PCYOX1L: variants seen among roughly 807,000 people sequenced by gnomAD.
PCYOX1L encodes prenylcysteine oxidase 1 like.
A neutral mutation model predicts 44.1 loss-of-function variants in PCYOX1L; 40 were observed. That is an observed-to-expected ratio of 0.91 (90% CI 0.70 to 1.18). PCYOX1L has a LOEUF of 1.18. Among genes scored for constraint, PCYOX1L ranks in the 50% most tolerant of loss-of-function variants. The pLI, the probability that PCYOX1L is intolerant of heterozygous loss-of-function variation, is 0.00. For missense variants in PCYOX1L, 605 were observed against 653.3 expected, an observed-to-expected ratio of 0.93 and a Z score of 0.81; for synonymous variants, 266 against 282.8, an observed-to-expected ratio of 0.94 and a Z score of 0.60.
At chr5:149,362,275 C>G (rs1396305972) in intron 1 of PCYOX1L, 1 of 294,220 alleles carries the variant, frequency 3.4e-6, no homozygotes, top group Non-Finnish European at 6.6e-6. Flanking sequence ...TGGTCAGTAA[C>G]TTTTAACAAT....
At position 149,368,179 on chromosome 5, in the gene PCYOX1L, T is replaced by C. The variant is rs1232051710; in HGVS notation, c.1010T>C (p.Val337Ala). Residue 337 changes from valine (V) to alanine (A), a missense_variant, in exon 6 of 6, where the codon GTC (valine) becomes GCC (alanine). By Grantham distance (64) the Val-to-Ala change is moderately conservative. Transcript: ENST00000274569. Reference sequence around the variant, plus strand: ...TTCCAGCCCACCGTCGTCTCCTTGGTCCACGGCTACCTCAACTCGTCCTAC... The same window carrying C: ...TTCCAGCCCACCGTCGTCTCCTTGGCCCACGGCTACCTCAACTCGTCCTAC... The part of the protein sequence containing the change: ...GSFQPTVVSL[V>A]HGYLNSSYFG... The C allele has an allele frequency of 1.9e-6, 3 of 1,613,908 alleles. No homozygotes were observed. Among genetic ancestry groups the C allele is most frequent in the African/African-American group, 2.7e-5 (2 of 74,904 alleles).
At chr5:149,361,365 C>T (rs1313094120) in intron 1 of PCYOX1L, among the ~76,000 whole-genome samples, 2 of 152,124 alleles carry the variant, frequency 1.3e-5, no homozygotes, top group Non-Finnish European at 2.9e-5. Flanking sequence ...GAGCCAGATC[C>T]TGTTTGAAAA....
chr5:149,360,945 G>C (rs1401235069), intron 1 of PCYOX1L, among the ~76,000 whole-genome samples: 1 of 152,238 alleles, frequency 6.6e-6, no homozygotes, highest in Non-Finnish European at 1.5e-5. Flanking sequence ...GTCCAGTAAG[G>C]ACAAATTACA....
chr5:149,358,269 G>A, intron 1 of PCYOX1L, 113 bp downstream of exon 1: 1 of 1,263,024 alleles, frequency 7.9e-7, no homozygotes, highest in Non-Finnish European at 1.0e-6. Context: ...AGGGGTCCTC[G>A]GAAAAGGAGC....
rs374122288 is a variant in PCYOX1L at position 149,366,158 on chromosome 5, G to T, written c.682+5G>T. The T allele has an allele frequency of 6.8e-5, 110 of 1,609,606 alleles. No individual in the cohort carries two copies. The African/African-American group carries it at 1.4e-3, about 21-fold the overall frequency. On this transcript the variant is annotated splice_donor_5th_base_variant and intron_variant, in intron 4 of 5. Transcript: ENST00000274569. ...CAGCGATGCCCGCCTTTGCAGGTAA[G>T]CGTCCAACCCTTGGCCTGCCCACCT...
chr5:149,365,827 C>A, intron 3 of PCYOX1L, 115 bp from the exon 4 acceptor site: 1 of 907,662 alleles, frequency 1.1e-6, no homozygotes, highest in African/African-American at 1.6e-5. Context: ...TGCCACCACT[C>A]CATGTAGAGG....
chr5:149,358,187 T>C, intron 1 of PCYOX1L, 31 bp downstream of exon 1: 1 of 1,415,644 alleles, frequency 7.1e-7, no homozygotes, highest in South Asian at 1.4e-5. Flanking sequence ...GGTTCCCAGC[T>C]GGGGAGGGCC....
chr5:149,362,330 A>G (rs185226686), intron 1 of PCYOX1L: 23 of 378,000 alleles, frequency 6.1e-5, no homozygotes, highest in African/African-American at 4.5e-4. Flanking sequence ...TGAGTTTTAT[A>G]TAAAACTAAA....
Position 149,368,650 on chromosome 5 carries a change from T to C in PCYOX1L, c.1481T>C (p.Leu494Pro). 2.0e-6 allele frequency: 3 copies of C among 1,510,416 alleles called. No individual in the cohort carries two copies. The highest frequency in any genetic ancestry group is 1.8e-6 in the Non-Finnish European group (2 of 1,136,560). The allele number at this position is 1,510,416 out of a possible 1,614,324, so 93.6% of individuals were successfully genotyped here. Residue 494 changes from leucine (L) to proline (P), a missense_variant, in exon 6 of 6, where the codon CTG (leucine) becomes CCG (proline). Leu to Pro is a moderately conservative substitution (Grantham distance 98). Transcript: ENST00000274569. Reference sequence around the variant, plus strand: ...TTGATGCACAAGGTCAAGACTGAACTGTGAGGGCTCTAGGGAGAGCCTGGG... The same window carrying C: ...TTGATGCACAAGGTCAAGACTGAACCGTGAGGGCTCTAGGGAGAGCCTGGG... ...KDLMHKVKTE[L>P] is the part of the protein sequence containing the mutation.
At chr5:149,361,470 A>G (rs562176524) in intron 1 of PCYOX1L, among the ~76,000 whole-genome samples, 3 of 152,334 alleles carry the variant, frequency 2.0e-5, no homozygotes, top group East Asian at 1.9e-4. Flanking sequence ...CGATGAGAAT[A>G]GTGATGGCAT....
At position 149,367,431 on chromosome 5, in the gene PCYOX1L, G is replaced by A. The variant is rs377373868; in HGVS notation, c.754G>A (p.Gly252Ser). The change falls in exon 5 of 6, where the codon GGT (glycine) becomes AGT (serine). Residue 252 changes from glycine (G) to serine (S), a missense_variant. Physicochemically the swap from Gly to Ser is moderately conservative, Grantham distance 56. Coordinates refer to ENST00000274569, the MANE Select transcript of PCYOX1L (RefSeq NM_024028.4). ...VEGGNKLVCSGLLKLTKANVI... is the reference protein window; with the variant it reads ...VEGGNKLVCSSLLKLTKANVI... ...AGGAGGCAATAAGCTGGTTTGTTCC[G>A]GTTTGCTGAAGCTCACCAAGGCCAA... The A allele has an allele frequency of 3.9e-5, 63 of 1,613,858 alleles. No individual in the cohort carries two copies. Among genetic ancestry groups the A allele is most frequent in the Non-Finnish European group, 4.7e-5 (56 of 1,179,876 alleles).
At chr5:149,362,884 G>A (rs771445620) in intron 2 of PCYOX1L, 41 bp downstream of exon 2, 2 of 1,605,118 alleles carry the variant, frequency 1.2e-6, no homozygotes, top group Non-Finnish European at 1.7e-6. Flanking sequence ...CAGCGCCCTG[G>A]GGCTGGTGAC....
At chr5:149,363,231 G>T (rs780921159) in intron 2 of PCYOX1L, 6 of 367,436 alleles carry the variant, frequency 1.6e-5, no homozygotes, top group Non-Finnish European at 3.2e-5. Context: ...GGCAACTGAG[G>T]CTCAGAAAAT....
In PCYOX1L at chr5:149,368,620, A is replaced by C. The variant is rs766912557; in HGVS notation, c.1451A>C (p.Lys484Thr). The C allele has an allele frequency of 2.0e-6, 3 of 1,527,056 alleles. No homozygotes were observed. The highest frequency in any genetic ancestry group is 2.6e-6 in the Non-Finnish European group (3 of 1,143,190). 94.6% of individuals were successfully genotyped at this position (1,527,056 alleles called of 1,614,324 possible). Reference protein sequence around the residue: ...WYQDLDKIDQKDLMHKVKTEL With the variant: ...WYQDLDKIDQTDLMHKVKTEL ...CAGGACCTAGACAAGATTGATCAAA[A>C]AGATTTGATGCACAAGGTCAAGACT... Residue 484 changes from lysine to threonine, a missense_variant, in exon 6 of 6, where the codon AAA (lysine) becomes ACA (threonine). Lys to Thr is a moderately conservative substitution (Grantham distance 78). Transcript: ENST00000274569.
Position 149,367,347 on chromosome 5 carries a change from C to G in PCYOX1L, c.683-13C>G, listed in dbSNP as rs775751017. 62 of 1,604,314 alleles carry G rather than the reference C, an allele frequency of 3.9e-5. No individual in the cohort carries two copies. The highest frequency in any genetic ancestry group is 5.3e-5 in the Non-Finnish European group (62 of 1,176,074). On this transcript the variant is annotated splice_polypyrimidine_tract_variant and intron_variant, in intron 4 of 5. Transcript: ENST00000274569. The stretch of plus-strand genomic sequence containing the variant: ...CTGACAACCTATCAGCACCCACTTC[C>G]CGCTTTGCCCAGGAGCCATGTCACT...
intron 1 of PCYOX1L, among the ~76,000 whole-genome samples, chr5:149,361,672 A>G (rs1469732172): frequency 2.0e-5 from 3 of 152,178 alleles, no homozygotes; most frequent in Non-Finnish European, 4.4e-5. Flanking sequence ...CTTGTTTCCC[A>G]GGCTGGAGTG....
chr5:149,365,729 A>T (rs1581371645), intron 3 of PCYOX1L: 1 of 595,884 alleles, frequency 1.7e-6, no homozygotes, highest in South Asian at 2.0e-5. Flanking sequence ...CCAGGCCTAG[A>T]AGGATTCCAT....
intron 1 of PCYOX1L, among the ~76,000 whole-genome samples, chr5:149,359,176 G>A (rs1056492403): frequency 2.0e-4 from 30 of 152,140 alleles, no homozygotes; most frequent in Non-Finnish European, 3.1e-4. Flanking sequence ...GGGGTGGGAG[G>A]ACAAAGACTC....
At chr5:149,365,881 G>T (rs1758179353) in intron 3 of PCYOX1L, 61 bp from the exon 4 acceptor site, 1 of 1,545,044 alleles carries the variant, frequency 6.5e-7, no homozygotes, top group South Asian at 1.1e-5. Flanking sequence ...TATAACCCAG[G>T]GGCAGGTGGT....
Sources: gnomAD v4.1 joint callset for allele counts (sites outside exome capture counted in the v4.1 genomes callset) on GRCh38, gnomAD v4.1.1 for gene constraint, MANE v1.5 for transcripts, NCBI Gene and HGNC (gene_info 2026-07-23, HGNC 2026-07-21) for gene names.